Variants in RUNX1 observed in about 807,000 individuals in gnomAD.
RUNX1 encodes the protein RUNX family transcription factor 1, also known as runt-related transcription factor 1.
A neutral mutation model predicts 42.8 loss-of-function variants in RUNX1; 19 were observed. The ratio of observed to expected loss-of-function variants is 0.44; its 90% CI spans 0.31 to 0.65. RUNX1 has a LOEUF of 0.65. RUNX1 is among the 30% of genes least tolerant of loss of function. The pLI, the probability that RUNX1 is intolerant of heterozygous loss-of-function variation, is 0.07. For synonymous variants in RUNX1, 271 were observed against 289.4 expected (o/e 0.94, Z 0.64); for missense variants, 528 against 672.0 (o/e 0.79, Z 2.37).
At chr21:34,980,198 A>C (rs1175790918) in intron 2 of RUNX1, among the ~76,000 whole-genome samples, 2 of 152,234 alleles carry the variant, frequency 1.3e-5, no homozygotes, top group African/African-American at 4.8e-5. Flanking sequence ...CTCTTCATAT[A>C]AACAGTGGAC....
At chr21:34,911,566 G>A (rs1260869390) in intron 2 of RUNX1, among the ~76,000 whole-genome samples, 1 of 152,166 alleles carries the variant, frequency 6.6e-6, no homozygotes, top group African/African-American at 2.4e-5. Flanking sequence ...TCCCCACACT[G>A]CAGTGAACCC....
chr21:34,986,626 CAG>C (rs1312400372), intron 2 of RUNX1, among the ~76,000 whole-genome samples: 2 of 149,994 alleles, frequency 1.3e-5, no homozygotes, highest in Non-Finnish European at 3.0e-5. Flanking sequence ...AGAAGACACA[CAG>C]GGGTACACAG....
At chr21:34,903,342 TTC>T (rs2058192333) in intron 2 of RUNX1, among the ~76,000 whole-genome samples, 1 of 152,208 alleles carries the variant, frequency 6.6e-6, no homozygotes, top group Non-Finnish European at 1.5e-5. Context: ...TATAGTTTAA[TTC>T]CTATTCAATA....
intron 2 of RUNX1, among the ~76,000 whole-genome samples, chr21:34,936,358 G>A (rs543206093): frequency 1.3e-5 from 2 of 152,130 alleles, no homozygotes; most frequent in East Asian, 3.9e-4. Flanking sequence ...TTTTATAGAA[G>A]AAAGAATAAA....
intron 7 of RUNX1, chr21:34,821,419 C>T: frequency 7.5e-7 from 1 of 1,328,798 alleles, no homozygotes; most frequent in Non-Finnish European, 9.7e-7. Context: ...TGCTGTGCAT[C>T]AAGTGATTTC....
intron 3 of RUNX1, chr21:34,889,832 C>A (rs998097763): frequency 2.4e-5 from 27 of 1,112,810 alleles, no homozygotes; most frequent in African/African-American, 6.6e-5. Flanking sequence ...AGGCTGCTCC[C>A]GTCACCATGA....
At chr21:34,893,592 C>A (rs185837418) in intron 2 of RUNX1, among the ~76,000 whole-genome samples, 8 of 152,188 alleles carry the variant, frequency 5.3e-5, no homozygotes, top group Admixed American at 5.2e-4. Flanking sequence ...AGCTCTTTTT[C>A]TTTCCTTTGA....
chr21:34,825,889 T>C (rs1269701090), intron 7 of RUNX1, among the ~76,000 whole-genome samples: 2 of 152,216 alleles, frequency 1.3e-5, no homozygotes, highest in African/African-American at 2.4e-5. Context: ...GAAGTTGGAA[T>C]GATACAGTCT....
intron 4 of RUNX1, among the ~76,000 whole-genome samples, chr21:34,886,483 G>A (rs1454353143): frequency 6.6e-6 from 1 of 152,228 alleles, no homozygotes; most frequent in Non-Finnish European, 1.5e-5. Context: ...AGCGGTAGGG[G>A]CAGCAGTAAG....
chr21:34,827,298 C>T (rs142652869), intron 7 of RUNX1, among the ~76,000 whole-genome samples: 181 of 152,268 alleles, frequency 1.2e-3, no homozygotes, highest in African/African-American at 4.1e-3. Context: ...TGTGTGGCTA[C>T]TTTTAACTAC....
At chr21:34,941,816 C>A (rs1210116316) in intron 2 of RUNX1, among the ~76,000 whole-genome samples, 2 of 144,118 alleles carry the variant, frequency 1.4e-5, no homozygotes, top group South Asian at 4.4e-4. Context: ...ATTTCTTTTT[C>A]TTTTATTTTT....
At chr21:34,833,290 G>T in intron 7 of RUNX1, 1 of 152,360 alleles carries the variant, frequency 6.6e-6, no homozygotes, top group Non-Finnish European at 1.5e-5. Context: ...ATTTTTAGTA[G>T]AGTTGGGGTT....
rs1456393335 is a variant in RUNX1 at position 34,884,013 on chromosome 21, C to T, written c.351+2830G>A. The stretch of plus-strand genomic sequence containing the variant: ...CCTCCGAACTTCCCTGCTGAAGGCA[C>T]GTTTACGTCTTTGGACTCTGGTGTA... On this transcript the variant is annotated intron_variant, in intron 4 of 8. Transcript: ENST00000675419. Among the ~76,000 whole-genome samples the T allele has an allele frequency of 3.3e-5, 5 of 152,226 alleles. No homozygotes were observed. The East Asian group carries it at 9.6e-4, about 29-fold the overall frequency.
chr21:34,832,236 A>T (rs1057117702), intron 7 of RUNX1, among the ~76,000 whole-genome samples: 1 of 152,210 alleles, frequency 6.6e-6, no homozygotes, highest in Non-Finnish European at 1.5e-5. Flanking sequence ...CACACGGTCC[A>T]CAATAATGCT....
At chr21:34,900,266 C>T (rs1289674638) in intron 2 of RUNX1, among the ~76,000 whole-genome samples, 1 of 152,154 alleles carries the variant, frequency 6.6e-6, no homozygotes, top group East Asian at 1.9e-4. Context: ...ATTTATAGCG[C>T]ATCTCAATTT....
At chr21:34,798,807 A>G (rs962001241) in intron 8 of RUNX1, among the ~76,000 whole-genome samples, 1 of 152,122 alleles carries the variant, frequency 6.6e-6, no homozygotes, top group Non-Finnish European at 1.5e-5. Context: ...GGACTTGAGC[A>G]TCCATGGGTT....
At chr21:34,837,828 C>T (rs1342148398) in intron 6 of RUNX1, among the ~76,000 whole-genome samples, 1 of 152,102 alleles carries the variant, frequency 6.6e-6, no homozygotes, top group East Asian at 1.9e-4. Context: ...AAGTAGTGGG[C>T]ACATCAAGAT....
rs1411791016 is a variant in RUNX1 at position 34,886,985 on chromosome 21, T to C, written c.209A>G (p.Lys70Arg). Reference protein sequence around the residue: ...APDAGAALAGKLRSGDRSMVE... With the variant: ...APDAGAALAGRLRSGDRSMVE... ...CATGCTGCGGTCGCCGCTCCTCAGC[T>C]TGCCGGCCAGGGCAGCGCCGGCGTC... is the stretch of plus-strand genomic sequence containing the variant. The change falls in exon 4 of 9, where the codon AAG becomes AGG. Residue 70 changes from lysine to arginine, a missense_variant. Physicochemically the swap from Lys to Arg is conservative, Grantham distance 26. Around this residue, in one of 3 missense-constraint regions of RUNX1, gnomAD observed 114 missense variants for 115.0 expected, o/e 0.99. Transcript: ENST00000675419. The C allele has an allele frequency of 6.2e-7, 1 of 1,608,578 alleles. No homozygotes were observed.
At chr21:34,980,800 A>G (rs2058841058) in intron 2 of RUNX1, among the ~76,000 whole-genome samples, 1 of 152,240 alleles carries the variant, frequency 6.6e-6, no homozygotes, top group South Asian at 2.1e-4. Context: ...TGTAGGTAGC[A>G]GATAAAACTT....
Sources: gnomAD v4.1 joint callset for allele counts (sites outside exome capture counted in the v4.1 genomes callset) on GRCh38, gnomAD v4.1.1 for gene constraint, gnomAD v4.1.1 regional missense constraint, MANE v1.5 for transcripts, NCBI Gene and HGNC (gene_info 2026-07-23, HGNC 2026-07-21) for gene names.